The following FRMD6 variants were observed in gnomAD, a reference collection of about 807,000 sequenced individuals.
The protein encoded by FRMD6 is FERM domain containing 6.
Under a neutral mutation model 73.2 loss-of-function variants are expected in FRMD6, and 37 were observed. The observed-to-expected ratio is 0.51, with a 90% CI of 0.39 to 0.66. The LOEUF is 0.66. Among genes scored for constraint, FRMD6 ranks in the 30% least tolerant of loss-of-function variants. FRMD6 has a pLI of 0.00. For synonymous variants in FRMD6, 273 were observed against 282.2 expected (o/e 0.97, Z 0.33); for missense variants, 714 against 780.5 (o/e 0.91, Z 1.02).
At chr14:51,557,271 C>CAT (rs749378902) in intron 1 of FRMD6, among the ~76,000 whole-genome samples, 114 of 150,726 alleles carry the variant, frequency 7.6e-4, no homozygotes, top group Admixed American at 1.5e-3. Context: ...TATATATACA[C>CAT]ACATACATAC....
chr14:51,464,482 G>A, the FRMD6 span, among the ~76,000 whole-genome samples: 1 of 152,174 alleles, frequency 6.6e-6, no homozygotes, highest in Non-Finnish European at 1.5e-5. Flanking sequence ...AGAGCAGAAT[G>A]TATGCTAAAG....
At chr14:51,641,133 C>A (rs1278744851) in intron 2 of FRMD6, among the ~76,000 whole-genome samples, 1 of 152,006 alleles carries the variant, frequency 6.6e-6, no homozygotes, top group Non-Finnish European at 1.5e-5. Context: ...CCACACCCTG[C>A]TAATTTTTTG....
chr14:51,642,545 A>G (rs762041060), intron 2 of FRMD6, among the ~76,000 whole-genome samples: 2 of 152,144 alleles, frequency 1.3e-5, no homozygotes, highest in Non-Finnish European at 2.9e-5. Context: ...TCCTAAGTAA[A>G]TAAATAAATA....
At chr14:51,498,879 A>G (rs1883451439) in intron 1 of FRMD6, among the ~76,000 whole-genome samples, 1 of 152,242 alleles carries the variant, frequency 6.6e-6, no homozygotes, top group Non-Finnish European at 1.5e-5. Context: ...TATGTATTAC[A>G]TAAGATATTT....
the FRMD6 span, among the ~76,000 whole-genome samples, chr14:51,459,826 C>CAA: frequency 0.018 from 1,012 of 57,692 alleles, 24 homozygotes; most frequent in Middle Eastern, 0.032. Flanking sequence ...GACTCCATTT[C>CAA]AAAAAAAAAA....
chr14:51,620,473 G>C (rs1359949931), intron 2 of FRMD6, among the ~76,000 whole-genome samples: 2 of 151,990 alleles, frequency 1.3e-5, no homozygotes, highest in Non-Finnish European at 2.9e-5. Context: ...CACCGAGAAA[G>C]GTATGATTCC....
At chr14:51,482,599 A>C in the FRMD6 span, among the ~76,000 whole-genome samples, 1 of 152,188 alleles carries the variant, frequency 6.6e-6, no homozygotes, top group Non-Finnish European at 1.5e-5. Context: ...AATCTGTCCA[A>C]GGAACAGAAG....
chr14:51,645,835 C>G (rs1355746513), intron 2 of FRMD6, among the ~76,000 whole-genome samples: 5 of 152,106 alleles, frequency 3.3e-5, no homozygotes, highest in Admixed American at 3.3e-4. Context: ...ATGCTTATAA[C>G]CTACCCAGGG....
intron 1 of FRMD6, among the ~76,000 whole-genome samples, chr14:51,533,434 CTGAGG>C (rs757817168): frequency 1.3e-5 from 2 of 152,132 alleles, no homozygotes; most frequent in Admixed American, 6.5e-5. Context: ...ATTATTTTTC[CTGAGG>C]CTATTAGCTC....
intron 2 of FRMD6, among the ~76,000 whole-genome samples, chr14:51,629,656 G>C (rs1891262754): frequency 6.6e-6 from 1 of 152,140 alleles, no homozygotes; most frequent in African/African-American, 2.4e-5. Flanking sequence ...TTAGTTTCTT[G>C]TGTTAGTTAA....
the FRMD6 span, among the ~76,000 whole-genome samples, chr14:51,458,283 T>G: frequency 6.6e-6 from 1 of 152,172 alleles, no homozygotes; most frequent in African/African-American, 2.4e-5. Context: ...CCTACCCCAA[T>G]CTCTTATCAG....
the FRMD6 span, among the ~76,000 whole-genome samples, chr14:51,437,666 CT>C: frequency 6.6e-6 from 1 of 152,022 alleles, no homozygotes; most frequent in Non-Finnish European, 1.5e-5. Flanking sequence ...TCCTTTTTCC[CT>C]TTTTTTTCCT....
At chr14:51,656,708 G>T (rs535165315) in intron 1 of FRMD6, among the ~76,000 whole-genome samples, 4 of 152,140 alleles carry the variant, frequency 2.6e-5, no homozygotes, top group Non-Finnish European at 5.9e-5. Flanking sequence ...CACCGCGCCC[G>T]GCTAGCATGG....
At chr14:51,596,748 G>A (rs553731752) in intron 2 of FRMD6, among the ~76,000 whole-genome samples, 2 of 152,110 alleles carry the variant, frequency 1.3e-5, no homozygotes, top group African/African-American at 4.8e-5. Flanking sequence ...GAGCCCCACC[G>A]CCTGGTTCAA....
At chr14:51,554,763 A>G (rs886491898) in intron 1 of FRMD6, 1 of 152,262 alleles carries the variant, frequency 6.6e-6, no homozygotes, top group Admixed American at 6.5e-5. Flanking sequence ...TCCAATTTCC[A>G]TTCGCATCCA....
In FRMD6 at chr14:51,563,446, G is replaced by A. The variant is rs147194556; in HGVS notation, c.-209-6902G>A. ...GCACTTTGGGAGGCTGAAGAGGGTG[G>A]ATCACTTGAAGTCAGGAGTTCGAGA... On this transcript the variant is annotated intron_variant, in intron 1 of 14. Coordinates refer to the FRMD6 transcript ENST00000356218. 7.0e-4 allele frequency among the ~76,000 whole-genome samples: 106 copies of A among 152,268 alleles called. 1 individual carries two copies. In the East Asian group the frequency reaches 0.02, roughly 29 times the overall value.
At chr14:51,627,489 A>G (rs932060282) in intron 2 of FRMD6, among the ~76,000 whole-genome samples, 1 of 152,208 alleles carries the variant, frequency 6.6e-6, no homozygotes, top group East Asian at 1.9e-4. Flanking sequence ...GGACCAAGAG[A>G]TGAAGCAGCA....
At chr14:51,569,442 A>C (rs1475274352) in intron 1 of FRMD6, among the ~76,000 whole-genome samples, 1 of 151,500 alleles carries the variant, frequency 6.6e-6, no homozygotes, top group African/African-American at 2.4e-5. Flanking sequence ...AGAATACTTT[A>C]TTGTAACTCT....
chr14:51,674,914 A>G (rs1894280020), intron 1 of FRMD6, among the ~76,000 whole-genome samples: 1 of 152,158 alleles, frequency 6.6e-6, no homozygotes, highest in Non-Finnish European at 1.5e-5. Context: ...TTCACACACC[A>G]GAGAGACCAG....
Sources: gnomAD v4.1 joint callset for allele counts (sites outside exome capture counted in the v4.1 genomes callset) on GRCh38, gnomAD v4.1.1 for gene constraint, MANE v1.5 for transcripts, NCBI Gene and HGNC (gene_info 2026-07-23, HGNC 2026-07-21) for gene names.